Variants in ENOX2 observed in about 807,000 individuals in gnomAD.
ENOX2 encodes the protein APK1 antigen.
A neutral mutation model predicts 45.0 loss-of-function variants in ENOX2; 36 were observed. The ratio of observed to expected loss-of-function variants is 0.80; its 90% CI spans 0.61 to 1.06. The LOEUF (loss-of-function observed/expected upper bound fraction) is 1.06, where lower values mean the gene tolerates loss of function less well. Ranked by LOEUF, ENOX2 falls within the 50% of genes least tolerant of loss-of-function variation. The probability of loss-of-function intolerance (pLI) is 0.00; values close to 1 mark genes in which losing one functional copy is unlikely to be tolerated. For synonymous variants in ENOX2, 174 were observed against 152.3 expected (o/e 1.14, Z -1.05); for missense variants, 423 against 462.5 (o/e 0.91, Z 0.78).
chrX:130,830,182 A>G (rs1172687494), intron 2 of ENOX2, among the ~76,000 whole-genome samples: 2 of 111,154 alleles, frequency 1.8e-5, no homozygotes, highest in Non-Finnish European at 3.8e-5. Context: ...GCCTTTCTGG[A>G]CCTGCACCTG....
intron 2 of ENOX2, among the ~76,000 whole-genome samples, chrX:130,820,466 A>T (rs2077575679): frequency 8.9e-6 from 1 of 112,331 alleles, no homozygotes; most frequent in Non-Finnish European, 1.9e-5. Flanking sequence ...TTAGGTGTCC[A>T]TCCAAAGGAA....
chrX:130,829,773 T>A (rs1360203905), intron 2 of ENOX2, among the ~76,000 whole-genome samples: 1 of 111,851 alleles, frequency 8.9e-6, no homozygotes, highest in Non-Finnish European at 1.9e-5. Context: ...AAAGGTGAAA[T>A]GACTTACTCA....
intron 3 of ENOX2, among the ~76,000 whole-genome samples, chrX:130,703,932 C>G (rs1367725306): frequency 9.0e-6 from 1 of 111,511 alleles, no homozygotes; most frequent in Non-Finnish European, 1.9e-5. Context: ...TTATCACCAC[C>G]TCCACCCACT....
chrX:130,719,205 A>T (rs958092131), intron 3 of ENOX2, among the ~76,000 whole-genome samples: 22 of 111,590 alleles, frequency 2.0e-4, no homozygotes, highest in African/African-American at 7.2e-4. Context: ...AAATACACAC[A>T]AGAGACGCTC....
chrX:130,636,784 T>C (rs186125456), intron 11 of ENOX2, among the ~76,000 whole-genome samples: 1 of 112,645 alleles, frequency 8.9e-6, no homozygotes, highest in East Asian at 2.8e-4. Flanking sequence ...ATAATGTACC[T>C]ATTTCTACTG....
chrX:130,819,983 A>G (rs1204342113), intron 2 of ENOX2, among the ~76,000 whole-genome samples: 1 of 112,459 alleles, frequency 8.9e-6, no homozygotes, highest in Non-Finnish European at 1.9e-5. Context: ...ATACACATCA[A>G]TCTAAAAAGC....
chrX:130,762,267 T>C (rs1388378581), intron 3 of ENOX2, among the ~76,000 whole-genome samples: 3 of 112,352 alleles, frequency 2.7e-5, no homozygotes, highest in Non-Finnish European at 5.6e-5. Flanking sequence ...TTCATTTTCA[T>C]TCAGTTCAAT....
chrX:130,815,640 C>T (rs143136478), intron 2 of ENOX2, among the ~76,000 whole-genome samples: 2 of 111,828 alleles, frequency 1.8e-5, no homozygotes, highest in African/African-American at 6.5e-5. Flanking sequence ...TCATATCCAT[C>T]GAAACTAAGC....
intron 14 of ENOX2, among the ~76,000 whole-genome samples, chrX:130,626,429 T>C (rs2147996855): frequency 8.9e-6 from 1 of 112,700 alleles, no homozygotes; most frequent in East Asian, 2.8e-4. Context: ...TGTGCCCAAC[T>C]GTTAACAGTG....
chrX:130,677,052 A>C (rs2037171999), intron 6 of ENOX2, among the ~76,000 whole-genome samples: 1 of 111,796 alleles, frequency 8.9e-6, no homozygotes, highest in Non-Finnish European at 1.9e-5. Context: ...TGTTTGCCAA[A>C]GCTTACCACC....
chrX:130,689,106 C>T (rs1603306527), intron 4 of ENOX2, 88 bp from the exon 5 acceptor site: 1 of 820,984 alleles, frequency 1.2e-6, no homozygotes, highest in South Asian at 2.7e-5. Context: ...AAATCAAAGG[C>T]CTTTCTAAGA....
At chrX:130,833,054 CA>C (rs1491536460) in intron 2 of ENOX2, among the ~76,000 whole-genome samples, 14 of 103,364 alleles carry the variant, frequency 1.4e-4, no homozygotes, top group Admixed American at 2.1e-4. Context: ...CACACACACA[CA>C]AACAGCACTG....
intron 2 of ENOX2, among the ~76,000 whole-genome samples, chrX:130,864,895 C>T (rs913893877): frequency 2.8e-4 from 31 of 110,850 alleles, no homozygotes; most frequent in African/African-American, 9.9e-4. Context: ...GCCTATAATC[C>T]CAGCTACTTG....
intron 3 of ENOX2, among the ~76,000 whole-genome samples, chrX:130,745,683 C>A (rs1012911952): frequency 1.8e-5 from 2 of 112,326 alleles, no homozygotes; most frequent in Non-Finnish European, 3.8e-5. Flanking sequence ...CAGAACCCTG[C>A]AATGGCTATT....
intron 12 of ENOX2, 83 bp downstream of exon 12, chrX:130,634,901 G>A (rs1211107137): frequency 2.0e-6 from 1 of 508,429 alleles, no homozygotes; most frequent in African/African-American, 2.4e-5. Flanking sequence ...TTGATTTCTA[G>A]GGCATAACTT....
In ENOX2 at chrX:130,825,434, C is replaced by T. The variant is rs141479098; in HGVS notation, c.-182-41744G>A. 6.4e-3 allele frequency among the ~76,000 whole-genome samples: 712 copies of T among 111,088 alleles called. 2 individuals carry two copies. Among genetic ancestry groups the T allele is most frequent in the Middle Eastern group, 0.019 (4 of 216 alleles). On this transcript the variant is annotated intron_variant, in intron 2 of 14. Coordinates refer to ENST00000394363, the MANE Select transcript of ENOX2 (RefSeq NM_006375.4). ...TTAGGGAAGGGCACAAAGTAAACTT[C>T]AACTGGTATATGGTATATCTGTATT...
At chrX:130,785,086 G>A (rs1463502063) in intron 2 of ENOX2, among the ~76,000 whole-genome samples, 1 of 109,510 alleles carries the variant, frequency 9.1e-6, no homozygotes, top group African/African-American at 3.3e-5. Context: ...AGCACTTTGG[G>A]AGGCCGAGGC....
chrX:130,812,460 A>G (rs1250575915), intron 2 of ENOX2, among the ~76,000 whole-genome samples: 2 of 112,176 alleles, frequency 1.8e-5, no homozygotes, highest in East Asian at 5.6e-4. Flanking sequence ...AATAAACTTT[A>G]CACAGCAAAG....
intron 2 of ENOX2, among the ~76,000 whole-genome samples, chrX:130,838,382 C>CA (rs970175338): frequency 1.8e-5 from 2 of 111,124 alleles, no homozygotes; most frequent in African/African-American, 6.6e-5. Context: ...AACTCTGTCT[C>CA]AAAAAACAAA....
Sources: allele counts gnomAD v4.1 joint callset (sites outside exome capture counted in the v4.1 genomes callset), GRCh38; gene constraint gnomAD v4.1.1; transcripts MANE v1.5; gene names NCBI Gene and HGNC (gene_info 2026-07-23, HGNC 2026-07-21).